Variants in LMF1 observed in about 807,000 individuals in gnomAD.
LMF1 encodes the protein lipase maturation factor 1, also known as transmembrane protein 112.
Under a neutral mutation model 60.6 loss-of-function variants are expected in LMF1, and 68 were observed. That is an observed-to-expected ratio of 1.12 (90% CI 0.92 to 1.37). The LOEUF (loss-of-function observed/expected upper bound fraction) is 1.37, where lower values mean the gene tolerates loss of function less well. LMF1 is among the 40% of genes most tolerant of loss of function. LMF1 has a pLI of 0.00. For missense variants in LMF1, 948 were observed against 767.2 expected, an observed-to-expected ratio of 1.24 and a Z score of -2.78; for synonymous variants, 418 against 324.7, an observed-to-expected ratio of 1.29 and a Z score of -3.09.
In LMF1 at chr16:855,163, G is replaced by C; in HGVS notation, c.1530-457C>G. 3 of 258,404 alleles carry C rather than the reference G, an allele frequency of 1.2e-5. No individual in the cohort carries two copies. In the South Asian group the frequency reaches 1.4e-4, roughly 12 times the overall value. 16.0% of individuals were successfully genotyped at this position (258,404 alleles called of 1,614,324 possible). A position where few individuals can be genotyped will look rare whatever the true frequency, so the allele number is the denominator to read the frequency against. On this transcript the variant is annotated intron_variant, in intron 10 of 10. Coordinates refer to ENST00000262301, the MANE Select transcript of LMF1 (RefSeq NM_022773.4). ...CAGTCCTGGCGCAAGGTGCCTGGGG[G>C]TTTCGGTCCACGGGGCAGTCCGAGG... is the stretch of plus-strand genomic sequence containing the variant.
At chr16:915,728 G>A (rs753975566) in intron 3 of LMF1, among the ~76,000 whole-genome samples, 3 of 152,254 alleles carry the variant, frequency 2.0e-5, no homozygotes, top group Non-Finnish European at 2.9e-5. Flanking sequence ...TTTTCCGGAC[G>A]GAAGTCCTGG....
chr16:967,659 C>G (rs2072952890), intron 1 of LMF1, among the ~76,000 whole-genome samples: 1 of 152,222 alleles, frequency 6.6e-6, no homozygotes, highest in Admixed American at 6.5e-5. Context: ...GTCAGGCATC[C>G]CCGACCACCT....
At position 954,390 on chromosome 16, in the gene LMF1, AG is replaced by A. The variant is rs1275465243; in HGVS notation, c.469del (p.Leu157SerfsTer57). The A allele has an allele frequency of 3.1e-6, 5 of 1,612,898 alleles. No homozygotes were observed. In the East Asian group the frequency reaches 1.1e-4, roughly 36 times the overall value. On this transcript the variant is annotated frameshift_variant, in exon 2 of 11. Transcript: ENST00000262301. LOFTEE classifies it high-confidence loss of function. Reference sequence around the variant, plus strand: ...GCCCACATTAACCAGGGACATGTAGAGGCCCCACAGGGCAGCCATGAGAAGC... The same window carrying A: ...GCCCACATTAACCAGGGACATGTAGAGCCCCACAGGGCAGCCATGAGAAGC... ...NMLLMAALWG[L>X]YMSLVNVGHV...
rs754790708 is a variant in LMF1, at chr16:911,090, G to A, written c.515-11C>T. The A allele has an allele frequency of 9.9e-6, 16 of 1,608,506 alleles. No homozygotes were observed. The highest frequency in any genetic ancestry group is 5.1e-5 in the Admixed American group (3 of 58,878). The stretch of plus-strand genomic sequence containing the variant: ...GCTGGGACTCCCATCCTAAAACAAC[G>A]AGACATACCAAAGGTGAGTTAATGG... On this transcript the variant is annotated splice_polypyrimidine_tract_variant and intron_variant, in intron 3 of 10. Coordinates refer to ENST00000262301, the MANE Select transcript of LMF1 (RefSeq NM_022773.4).
chr16:966,059 C>T (rs972247126), intron 1 of LMF1, among the ~76,000 whole-genome samples: 13 of 152,074 alleles, frequency 8.5e-5, no homozygotes, highest in Non-Finnish European at 1.5e-4. Context: ...CAGGAGTCCA[C>T]GAGTGATGAG....
chr16:938,013 G>A (rs2071992019), intron 2 of LMF1, among the ~76,000 whole-genome samples: 1 of 151,290 alleles, frequency 6.6e-6, no homozygotes, highest in African/African-American at 2.4e-5. Context: ...AAGGCCAAAC[G>A]TGGATTTATT....
rs1596873535 is a variant in LMF1 at position 874,091 on chromosome 16, T to C, written c.898-2750A>G. 1.3e-5 allele frequency among the ~76,000 whole-genome samples: 2 copies of C among 152,298 alleles called. No individual in the cohort carries two copies. The highest frequency in any genetic ancestry group is 3.9e-4 in the East Asian group (2 of 5,186). ...GGTGTGGGGGGGGTATGGGAAGTTC[T>C]GGAACCAGGCGGAGGCGGCGGTTGC... On this transcript the variant is annotated intron_variant, in intron 6 of 10. Transcript: ENST00000262301. The surrounding 1 kb of genome is among the most constrained non-coding windows in gnomAD (Gnocchi z 4.1).
intron 10 of LMF1, among the ~76,000 whole-genome samples, chr16:862,177 AT>A (rs60103923): frequency 0.11 from 16,074 of 142,518 alleles, 2,150 homozygotes; most frequent in African/African-American, 0.34. Flanking sequence ...CTATTTAGTA[AT>A]TTTTTTTTTT....
chr16:870,107 C>A, intron 8 of LMF1, 41 bp from the exon 9 acceptor site: 3 of 1,582,250 alleles, frequency 1.9e-6, no homozygotes, highest in Non-Finnish European at 1.7e-6. Flanking sequence ...CGTCACACAC[C>A]GGCTGGGCCG....
intron 1 of LMF1, chr16:979,031 C>T (rs748039192): frequency 2.2e-6 from 1 of 454,070 alleles, no homozygotes; most frequent in South Asian, 1.6e-5. Context: ...TTACCTGCTG[C>T]CTGCCTCCCT....
In LMF1 at chr16:879,745, G is replaced by T; in HGVS notation, c.730-8C>A. 6.4e-7 allele frequency: 1 copy of T among 1,573,732 alleles called. No homozygotes were observed. The highest frequency in any genetic ancestry group is 8.6e-7 in the Non-Finnish European group (1 of 1,159,996). On this transcript the variant is annotated splice_polypyrimidine_tract_variant and splice_region_variant and intron_variant, in intron 5 of 10. Transcript: ENST00000262301. ...ATTGGGCATCGGCTGGGTCTGCAGGGACAGGAGGGGCCGTGAGGTGCCTGG... is the reference window on the plus strand; with the variant it reads ...ATTGGGCATCGGCTGGGTCTGCAGGTACAGGAGGGGCCGTGAGGTGCCTGG...
chr16:892,948 G>A lies in LMF1; in HGVS notation c.729+59C>T, dbSNP rs888983998. 2.7e-5 allele frequency: 36 copies of A among 1,347,118 alleles called. No individual in the cohort carries two copies. The African/African-American group carries it at 4.7e-4, about 18-fold the overall frequency. The allele number at this position is 1,347,118 out of a possible 1,614,324, so 83.4% of individuals were successfully genotyped here. A position where few individuals can be genotyped will look rare whatever the true frequency, so the allele number is the denominator to read the frequency against. On this transcript the variant is annotated intron_variant, in intron 5 of 10. Coordinates refer to ENST00000262301, the MANE Select transcript of LMF1 (RefSeq NM_022773.4). ...TGTGCAGGACTGAGCCCCGCCAAGAGTGGGAACGGGGCGGCGTGAGACCGG... is the reference window on the plus strand; with the variant it reads ...TGTGCAGGACTGAGCCCCGCCAAGAATGGGAACGGGGCGGCGTGAGACCGG...
chr16:974,784 C>T (rs901897492), upstream of LMF1, among the ~76,000 whole-genome samples: 1 of 152,374 alleles, frequency 6.6e-6, no homozygotes, highest in Middle Eastern at 3.4e-3. Flanking sequence ...CTGGCAGCTC[C>T]CGCCTCCTCG....
Position 869,946 on chromosome 16 carries a change from C to T in LMF1, c.1353G>A (p.Arg451=), listed in dbSNP as rs761602650. The T allele has an allele frequency of 1.9e-6, 3 of 1,613,280 alleles. No homozygotes were observed. The highest frequency in any genetic ancestry group is 2.5e-6 in the Non-Finnish European group (3 of 1,179,850). ...FKCKPGDPSR[R]PCLISPYHYR... is the part of the protein sequence containing the mutation. ...AGTGGTACGGGGAGATGAGGCAGGG[C>T]CGTCTGCTGGGGTCACCTGGCTTGC... The change falls in exon 9 of 11, where the codon CGG becomes CGA. Residue 451 remains arginine (R), a synonymous_variant. Transcript: ENST00000262301.
chr16:944,411 G>A lies in LMF1; in HGVS notation c.503+9946C>T, dbSNP rs572175204. The stretch of plus-strand genomic sequence containing the variant: ...AGCTCCTTTACTCTAATGCCTTGCC[G>A]CACAAATGCAAGCTGCCCTCAACTC... On this transcript the variant is annotated intron_variant, in intron 2 of 10. Transcript: ENST00000262301. Among the ~76,000 whole-genome samples, 9 of 152,334 alleles carry A rather than the reference G, an allele frequency of 5.9e-5. 1 individual carries two copies. The South Asian group carries it at 8.3e-4, about 14-fold the overall frequency.
chr16:874,311 G>A lies in LMF1; in HGVS notation c.898-2970C>T, dbSNP rs1014981304. 8.6e-5 allele frequency among the ~76,000 whole-genome samples: 13 copies of A among 151,976 alleles called. No homozygotes were observed. The highest frequency in any genetic ancestry group is 3.3e-4 in the Admixed American group (5 of 15,280). On this transcript the variant is annotated intron_variant, in intron 6 of 10. Coordinates refer to ENST00000262301, the MANE Select transcript of LMF1 (RefSeq NM_022773.4). This position sits in a 1 kb window ranked among gnomAD's most constrained non-coding sequence, Gnocchi z 4.1. ...CTCCGGGCCTCTGTCTTGAGCGGGCGTGGGGTGCAGCCACCACAGGGCAAG... is the reference window on the plus strand; with the variant it reads ...CTCCGGGCCTCTGTCTTGAGCGGGCATGGGGTGCAGCCACCACAGGGCAAG...
chr16:924,030 G>C (rs532585021), intron 3 of LMF1, among the ~76,000 whole-genome samples: 1 of 152,222 alleles, frequency 6.6e-6, no homozygotes, highest in Admixed American at 6.5e-5. Context: ...AGAGTTATTA[G>C]AAAAAAAGTT....
At chr16:935,105 A>ATT (rs568089078) in intron 2 of LMF1, among the ~76,000 whole-genome samples, 13 of 145,842 alleles carry the variant, frequency 8.9e-5, no homozygotes, top group Non-Finnish European at 1.2e-4. Context: ...GTTGATCAGA[A>ATT]TTTTTTTTTT....
chr16:856,698 T>C (rs541746806), intron 10 of LMF1, among the ~76,000 whole-genome samples: 1 of 152,278 alleles, frequency 6.6e-6, no homozygotes, highest in East Asian at 1.9e-4. Flanking sequence ...AACTGGCAGG[T>C]TGGTGGGAAG....
Sources: gnomAD v4.1 joint callset for allele counts (sites outside exome capture counted in the v4.1 genomes callset) on GRCh38, gnomAD v4.1.1 for gene constraint, Gnocchi (gnomAD v3.1) non-coding constraint, MANE v1.5 for transcripts, NCBI Gene and HGNC (gene_info 2026-07-23, HGNC 2026-07-21) for gene names.